PCNX2: variants seen among roughly 807,000 people sequenced by gnomAD.
The protein encoded by PCNX2 is pecanex 2.
A neutral mutation model predicts 223.8 loss-of-function variants in PCNX2; 168 were observed. That is an observed-to-expected ratio of 0.75 (90% confidence interval 0.66 to 0.85). The LOEUF (loss-of-function observed/expected upper bound fraction) is 0.85, where lower values mean the gene tolerates loss of function less well. Ranked by LOEUF, PCNX2 falls within the 40% of genes least tolerant of loss-of-function variation. The probability of loss-of-function intolerance (pLI) is 0.00; values close to 1 mark genes in which losing one functional copy is unlikely to be tolerated. For synonymous variants in PCNX2, 1,006 were observed against 1,052.6 expected, an observed-to-expected ratio of 0.96 and a Z score of 0.86; for missense variants, 2,507 against 2,675.5, an observed-to-expected ratio of 0.94 and a Z score of 1.39.
intron 32 of PCNX2, among the ~76,000 whole-genome samples, chr1:232,994,847 T>TC (rs1281851323): frequency 6.6e-6 from 1 of 152,184 alleles, no homozygotes; most frequent in Non-Finnish European, 1.5e-5. Flanking sequence ...GTGTCTTTCT[T>TC]CCCCTTCACG....
intron 12 of PCNX2, among the ~76,000 whole-genome samples, chr1:233,209,123 G>C (rs997515090): frequency 6.6e-6 from 1 of 152,116 alleles, no homozygotes; most frequent in African/African-American, 2.4e-5. Context: ...ATTATAATTT[G>C]TGGGCTTTAA....
chr1:232,997,421 A>G (rs1669913926), intron 32 of PCNX2, among the ~76,000 whole-genome samples: 1 of 152,214 alleles, frequency 6.6e-6, no homozygotes, highest in Non-Finnish European at 1.5e-5. Flanking sequence ...GTGCAGAGCT[A>G]GCAGGAGAAG....
intron 1 of PCNX2, among the ~76,000 whole-genome samples, chr1:233,272,811 A>G (rs1050660561): frequency 2.6e-5 from 4 of 152,262 alleles, no homozygotes; most frequent in African/African-American, 9.6e-5. Context: ...AATACTATTC[A>G]GCCATAAAAA....
intron 9 of PCNX2, among the ~76,000 whole-genome samples, chr1:233,233,831 G>C (rs542402108): frequency 6.6e-6 from 1 of 151,972 alleles, no homozygotes; most frequent in African/African-American, 2.4e-5. Context: ...GTGCCTCCAG[G>C]CTCCAGTAAC....
chr1:233,185,645 G>C (rs1680056129), intron 15 of PCNX2, among the ~76,000 whole-genome samples: 1 of 152,136 alleles, frequency 6.6e-6, no homozygotes, highest in Non-Finnish European at 1.5e-5. Flanking sequence ...AACACATGTA[G>C]AGCAACGGCT....
intron 25 of PCNX2, among the ~76,000 whole-genome samples, chr1:233,042,133 AAATAAAG>A (rs1215686492): frequency 5.3e-5 from 8 of 152,192 alleles, no homozygotes; most frequent in Non-Finnish European, 1.5e-5. Flanking sequence ...CAAGTATTTC[AAATAAAG>A]AATATTCAAC....
At chr1:233,129,814 C>G (rs56116385) in intron 21 of PCNX2, among the ~76,000 whole-genome samples, 19,971 of 152,182 alleles carry the variant, frequency 0.13, 1,424 homozygotes, top group East Asian at 0.2. Context: ...CCAATCAGCT[C>G]TCTGTAAAAT....
the PCNX2 span, among the ~76,000 whole-genome samples, chr1:233,307,919 A>G: frequency 6.6e-6 from 1 of 152,240 alleles, no homozygotes; most frequent in Non-Finnish European, 1.5e-5. Context: ...CATGAAGGCC[A>G]CATAACATGT....
chr1:233,276,318 G>A (rs961650530), intron 1 of PCNX2, among the ~76,000 whole-genome samples: 2 of 152,094 alleles, frequency 1.3e-5, no homozygotes, highest in Non-Finnish European at 1.5e-5. Context: ...GGGGCTTGGG[G>A]GAGAGAGAAA....
chr1:233,058,334 G>A (rs1036994906), intron 23 of PCNX2: 2 of 152,262 alleles, frequency 1.3e-5, no homozygotes, highest in African/African-American at 4.8e-5. Flanking sequence ...CTTTGTAAGT[G>A]CAGCGATCTG....
At chr1:233,172,962 C>G (rs548904788) in intron 17 of PCNX2, among the ~76,000 whole-genome samples, 2 of 152,266 alleles carry the variant, frequency 1.3e-5, no homozygotes, top group East Asian at 3.9e-4. Context: ...GAGGGACTAG[C>G]ACATAAGATT....
intron 32 of PCNX2, among the ~76,000 whole-genome samples, chr1:232,995,897 AC>A: frequency 6.6e-6 from 1 of 151,824 alleles, no homozygotes; most frequent in African/African-American, 2.4e-5. Flanking sequence ...CTCTCCCCCC[AC>A]CCAGGCTGGA....
chr1:233,172,351 C>T, intron 17 of PCNX2: 2 of 985,242 alleles, frequency 2.0e-6, no homozygotes, highest in African/African-American at 3.5e-5. Flanking sequence ...CAATTGGGTA[C>T]CACGTTAAAT....
intron 15 of PCNX2, among the ~76,000 whole-genome samples, chr1:233,197,839 G>C (rs12029164): frequency 0.07 from 10,589 of 152,058 alleles, 621 homozygotes; most frequent in East Asian, 0.32. Flanking sequence ...GTTAAGAAAT[G>C]TTACGTGATT....
At chr1:233,219,390 G>A (rs1657230440) in intron 10 of PCNX2, among the ~76,000 whole-genome samples, 1 of 152,078 alleles carries the variant, frequency 6.6e-6, no homozygotes, top group South Asian at 2.1e-4. Context: ...AAGATGCAGG[G>A]TGAGGCCATG....
intron 32 of PCNX2, among the ~76,000 whole-genome samples, chr1:232,996,816 C>G (rs905885861): frequency 6.6e-6 from 1 of 152,160 alleles, no homozygotes; most frequent in African/African-American, 2.4e-5. Flanking sequence ...TAAATTTCAC[C>G]CTGACAATGT....
chr1:233,056,093 T>A (rs1335923861), intron 24 of PCNX2, among the ~76,000 whole-genome samples: 2 of 152,150 alleles, frequency 1.3e-5, no homozygotes, highest in African/African-American at 4.8e-5. Context: ...TGCCATGTAG[T>A]CTAATAATGT....
chr1:233,322,356 C>T, the PCNX2 span, among the ~76,000 whole-genome samples: 4 of 152,140 alleles, frequency 2.6e-5, no homozygotes, highest in Admixed American at 2.6e-4. Flanking sequence ...GACACCAATG[C>T]TTTTCTCCAA....
intron 25 of PCNX2, among the ~76,000 whole-genome samples, chr1:233,033,609 T>C (rs1227299019): frequency 2.0e-5 from 3 of 152,222 alleles, no homozygotes; most frequent in Admixed American, 6.5e-5. Context: ...CTTAATAACA[T>C]TGCACAGTAA....
Sources: allele counts gnomAD v4.1 joint callset (sites outside exome capture counted in the v4.1 genomes callset), GRCh38; gene constraint gnomAD v4.1.1; transcripts MANE v1.5; gene names NCBI Gene and HGNC (gene_info 2026-07-23, HGNC 2026-07-21).